GRIK5: variants seen among roughly 807,000 people sequenced by gnomAD.
GRIK5 encodes the protein glutamate ionotropic receptor kainate type subunit 5.
In GRIK5, 43 loss-of-function variants were observed where a neutral mutation model predicts 97.4. That is an observed-to-expected ratio of 0.44 (90% CI 0.35 to 0.57). The LOEUF is 0.57. Among genes scored for constraint, GRIK5 ranks in the 20% least tolerant of loss-of-function variants. The pLI is 0.01. For synonymous variants in GRIK5, 580 were observed against 583.5 expected, an observed-to-expected ratio of 0.99 and a Z score of 0.09; for missense variants, 1,015 against 1,382.0, an observed-to-expected ratio of 0.73 and a Z score of 4.21.
At chr19:42,037,636 G>A (rs538425811) in intron 12 of GRIK5, among the ~76,000 whole-genome samples, 29 of 152,190 alleles carry the variant, frequency 1.9e-4, no homozygotes, top group Non-Finnish European at 2.4e-4. Context: ...TGCTATAGTG[G>A]ACTCCATGGT....
In GRIK5 at chr19:42,065,587, T is replaced by G. The variant is rs1418625091; in HGVS notation, c.79+105A>C. ...GGAACTGGAGGCTGGGATTCCTTGC[T>G]GCTGAAGAGAGCTGAGACCTGGACC... On this transcript the variant is annotated intron_variant, in intron 2 of 19. Coordinates refer to ENST00000593562, the MANE Select transcript of GRIK5 (RefSeq NM_002088.5). This position sits in a 1 kb window ranked among gnomAD's most constrained non-coding sequence, Gnocchi z 5.8. 2.7e-6 allele frequency: 3 copies of G among 1,092,400 alleles called. No homozygotes were observed. Among genetic ancestry groups the G allele is most frequent in the Non-Finnish European group, 4.0e-6 (3 of 754,148 alleles). 67.7% of individuals were successfully genotyped at this position (1,092,400 alleles called of 1,614,324 possible).
Position 42,054,461 on chromosome 19 carries a change from G to C in GRIK5, c.915C>G (p.Ala305=), listed in dbSNP as rs1335350246. The change falls in exon 9 of 20, where the codon GCC becomes GCG. Residue 305 remains alanine, a synonymous_variant. Transcript: ENST00000593562. ...CCACGTGCACGGCGTCAAACATCAG[G>C]GCGGCTGACAGCTGCGGTGGGACAG... The part of the protein sequence containing the change: ...STYLGPALSA[A]LMFDAVHVVV... 6.2e-7 allele frequency: 1 copy of C among 1,612,968 alleles called. No individual in the cohort carries two copies.
At chr19:42,030,583 C>G (rs549113350) in intron 12 of GRIK5, among the ~76,000 whole-genome samples, 1 of 151,968 alleles carries the variant, frequency 6.6e-6, no homozygotes, top group Non-Finnish European at 1.5e-5. Flanking sequence ...CTCAGCCTTC[C>G]GAGTAACTGT....
At chr19:42,056,887 G>A (rs763435227) in intron 7 of GRIK5, 38 bp downstream of exon 7, 2 of 1,610,570 alleles carry the variant, frequency 1.2e-6, no homozygotes, top group South Asian at 2.2e-5. Context: ...GTGATGGGAA[G>A]GAAGTGGGGG....
chr19:42,039,246 G>A (rs988382747), intron 12 of GRIK5, among the ~76,000 whole-genome samples: 1 of 152,234 alleles, frequency 6.6e-6, no homozygotes, highest in Non-Finnish European at 1.5e-5. Flanking sequence ...GGCTGAGGCA[G>A]GTGGATCACC....
chr19:41,999,040 GT>G lies in GRIK5; in HGVS notation c.2773del (p.Thr925ProfsTer?). 1 of 1,239,134 alleles carries G rather than the reference GT, an allele frequency of 8.1e-7. No homozygotes were observed. Among genetic ancestry groups the G allele is most frequent in the Non-Finnish European group, 1.0e-6 (1 of 992,832 alleles). The allele number at this position is 1,239,134 out of a possible 1,614,324, so 76.8% of individuals were successfully genotyped here. On this transcript the variant is annotated frameshift_variant, in exon 20 of 20. Coordinates refer to ENST00000593562, the MANE Select transcript of GRIK5 (RefSeq NM_002088.5). LOFTEE classifies it low-confidence loss of function (END_TRUNC). The surrounding 1 kb of genome is among the most constrained non-coding windows in gnomAD (Gnocchi z 5.0). Reference protein sequence around the residue: ...PPSGARPAAPTPCTHVRVCQE... With the variant: ...PPSGARPAAPXPCTHVRVCQE... ...GCAGACGCGCACGTGGGTGCAGGGGGTGGGGGCGGCGGGTCGGGCTCCGCTG... is the reference window on the plus strand; with the variant it reads ...GCAGACGCGCACGTGGGTGCAGGGGGGGGGGCGGCGGGTCGGGCTCCGCTG...
chr19:42,027,247 G>A (rs768213690), intron 12 of GRIK5, among the ~76,000 whole-genome samples: 2 of 152,234 alleles, frequency 1.3e-5, no homozygotes, highest in Non-Finnish European at 2.9e-5. Context: ...GCAAGAGAGA[G>A]ACTCGAGGGA....
At chr19:42,053,167 G>C (rs1360018244) in intron 11 of GRIK5, among the ~76,000 whole-genome samples, 1 of 152,194 alleles carries the variant, frequency 6.6e-6, no homozygotes, top group East Asian at 1.9e-4. Context: ...GGCTCTGAAG[G>C]ATTAGAGACA....
In GRIK5 at chr19:42,021,607, A is replaced by G. The variant is rs2146049386; in HGVS notation, c.1698-133T>C. 1 of 687,960 alleles carries G rather than the reference A, an allele frequency of 1.5e-6. No individual in the cohort carries two copies. Among genetic ancestry groups the G allele is most frequent in the East Asian group, 2.8e-5 (1 of 35,920 alleles). The allele number at this position is 687,960 out of a possible 1,614,324, so 42.6% of individuals were successfully genotyped here. On this transcript the variant is annotated intron_variant, in intron 14 of 19. Transcript: ENST00000593562. This position sits in a 1 kb window ranked among gnomAD's most constrained non-coding sequence, Gnocchi z 4.2. ...AAAAAGGAGCAAGATGGACAGAAGC[A>G]CACAGAGAAAAGGCAGAGAGAGATG... is the stretch of plus-strand genomic sequence containing the variant.
Position 42,021,150 on chromosome 19 carries a change from T to A in GRIK5, c.1871+151A>T. 1 of 661,188 alleles carries A rather than the reference T, an allele frequency of 1.5e-6. No homozygotes were observed. Among genetic ancestry groups the A allele is most frequent in the African/African-American group, 1.8e-5 (1 of 54,166 alleles). The allele number at this position is 661,188 out of a possible 1,614,324, so 41.0% of individuals were successfully genotyped here. Reference sequence around the variant, plus strand: ...AGCCAGTAAGCGGCAGAGCTGGAGCTCAGCTCTCCCCACCCCATTCCTCGT... The same window carrying A: ...AGCCAGTAAGCGGCAGAGCTGGAGCACAGCTCTCCCCACCCCATTCCTCGT... On this transcript the variant is annotated intron_variant, in intron 15 of 19. Coordinates refer to ENST00000593562, the MANE Select transcript of GRIK5 (RefSeq NM_002088.5). The surrounding 1 kb of genome is among the most constrained non-coding windows in gnomAD (Gnocchi z 4.2).
chr19:42,041,640 G>C (rs2075978889), intron 12 of GRIK5, among the ~76,000 whole-genome samples: 1 of 152,002 alleles, frequency 6.6e-6, no homozygotes, highest in Non-Finnish European at 1.5e-5. Context: ...CCATGGCCCT[G>C]CCTTCCATCC....
In GRIK5 at chr19:42,002,311, G is replaced by A. The variant is rs1159907003; in HGVS notation, c.2514+1021C>T. On this transcript the variant is annotated intron_variant, in intron 19 of 19. Coordinates refer to ENST00000593562, the MANE Select transcript of GRIK5 (RefSeq NM_002088.5). This position sits in a 1 kb window ranked among gnomAD's most constrained non-coding sequence, Gnocchi z 5.2. ...GCTGGGAGGGAAAGTGAGGTCAGGA[G>A]AGGGTTTAAGACTGGAGAAATGACA... 5.6e-6 allele frequency: 4 copies of A among 717,544 alleles called. No homozygotes were observed. Among genetic ancestry groups the A allele is most frequent in the Non-Finnish European group, 1.0e-5 (4 of 385,120 alleles). The allele number at this position is 717,544 out of a possible 1,614,324, so 44.4% of individuals were successfully genotyped here.
chr19:42,065,750 C>T lies in GRIK5; in HGVS notation c.21G>A (p.Leu7=), dbSNP rs1285097474. 2 of 1,593,148 alleles carry T rather than the reference C, an allele frequency of 1.3e-6. No homozygotes were observed. Among genetic ancestry groups the T allele is most frequent in the South Asian group, 2.3e-5 (2 of 87,876 alleles). Residue 7 remains leucine, a synonymous_variant, in exon 2 of 20, where the codon CTG becomes CTA. Transcript: ENST00000593562. The surrounding 1 kb of genome is among the most constrained non-coding windows in gnomAD (Gnocchi z 5.8). ...GGCTGGCGAAGGCAACAATCAGCAG[C>T]AGCAGCAGCTCAGCCGGCATCTTCC... is the stretch of plus-strand genomic sequence containing the variant. MPAELL[L]LLIVAFASPS...
rs898875045 is a variant in GRIK5 at position 42,065,643 on chromosome 19, G to A, written c.79+49C>T. ...GGACTGGCATGCCTGGGTCCCCAGAGGAGCCCCAGGGCCTGAGGATGCAGG... is the reference window on the plus strand; with the variant it reads ...GGACTGGCATGCCTGGGTCCCCAGAAGAGCCCCAGGGCCTGAGGATGCAGG... On this transcript the variant is annotated intron_variant, in intron 2 of 19. Coordinates refer to ENST00000593562, the MANE Select transcript of GRIK5 (RefSeq NM_002088.5). This position sits in a 1 kb window ranked among gnomAD's most constrained non-coding sequence, Gnocchi z 5.8. 5.5e-6 allele frequency: 8 copies of A among 1,441,670 alleles called. No homozygotes were observed. Among genetic ancestry groups the A allele is most frequent in the Non-Finnish European group, 7.5e-6 (8 of 1,059,756 alleles). The allele number at this position is 1,441,670 out of a possible 1,614,324, so 89.3% of individuals were successfully genotyped here.
rs762630946 is a variant in GRIK5 at position 42,054,308 on chromosome 19, G to C, written c.1056+12C>G. On this transcript the variant is annotated intron_variant, in intron 9 of 19. Coordinates refer to ENST00000593562, the MANE Select transcript of GRIK5 (RefSeq NM_002088.5). The stretch of plus-strand genomic sequence containing the variant: ...TGTCCTGCCTCCTCCACCCATCCCC[G>C]CTCGGGCTCACCATGCGCAGGTAGT... 1.9e-6 allele frequency: 3 copies of C among 1,601,238 alleles called. No homozygotes were observed. Among genetic ancestry groups the C allele is most frequent in the Non-Finnish European group, 2.6e-6 (3 of 1,172,214 alleles).
rs375189819 is a variant in GRIK5, at chr19:42,062,879, G to A, written c.245-24C>T. The A allele has an allele frequency of 1.3e-5, 20 of 1,558,634 alleles. No homozygotes were observed. The highest frequency in any genetic ancestry group is 2.2e-5 in the East Asian group (1 of 44,630). ...CACTGCGTGGGAAGGGGAAGAGACCGCAGAGTCAGGGACCCCCTGCCTCCT... is the reference window on the plus strand; with the variant it reads ...CACTGCGTGGGAAGGGGAAGAGACCACAGAGTCAGGGACCCCCTGCCTCCT... On this transcript the variant is annotated intron_variant, in intron 3 of 19. Coordinates refer to ENST00000593562, the MANE Select transcript of GRIK5 (RefSeq NM_002088.5). This position sits in a 1 kb window ranked among gnomAD's most constrained non-coding sequence, Gnocchi z 5.3.
At chr19:42,040,746 C>T (rs762026541) in intron 12 of GRIK5, among the ~76,000 whole-genome samples, 5 of 152,032 alleles carry the variant, frequency 3.3e-5, no homozygotes, top group East Asian at 1.9e-4. Context: ...CCCAGCTACT[C>T]GGAAGGCCGA....
chr19:42,013,414 T>C lies in GRIK5; in HGVS notation c.1872-6604A>G, dbSNP rs1260736774. 2.3e-4 allele frequency among the ~76,000 whole-genome samples: 32 copies of C among 142,150 alleles called. 1 individual carries two copies. The highest frequency in any genetic ancestry group is 8.0e-4 in the African/African-American group (31 of 38,832). 93.3% of individuals were successfully genotyped at this position (142,150 alleles called of 152,430 possible). ...TTTTTTCTTTTTTTCTTTTCTTTTT[T>C]TTTTTTTTTTTTTGAGATGGAGTCT... On this transcript the variant is annotated intron_variant, in intron 15 of 19. Transcript: ENST00000593562.
In GRIK5 at chr19:42,042,103, C is replaced by A. The variant is rs539215605; in HGVS notation, c.1473+449G>T. On this transcript the variant is annotated intron_variant, in intron 12 of 19. Coordinates refer to ENST00000593562, the MANE Select transcript of GRIK5 (RefSeq NM_002088.5). This position sits in a 1 kb window ranked among gnomAD's most constrained non-coding sequence, Gnocchi z 6.9. ...GTGAATGTATGAGTTCTACATGCAG[C>A]CCTCCAGGTCCATGATGTGCCAGGC... is the stretch of plus-strand genomic sequence containing the variant. Among the ~76,000 whole-genome samples, 1 of 152,294 alleles carries A rather than the reference C, an allele frequency of 6.6e-6. No individual in the cohort carries two copies. The highest frequency in any genetic ancestry group is 2.4e-5 in the African/African-American group (1 of 41,564).
Sources: allele counts gnomAD v4.1 joint callset (sites outside exome capture counted in the v4.1 genomes callset), GRCh38; gene constraint gnomAD v4.1.1; non-coding constraint Gnocchi (gnomAD v3.1); transcripts MANE v1.5; gene names NCBI Gene and HGNC (gene_info 2026-07-23, HGNC 2026-07-21).